Variants in MBD5 observed in about 807,000 individuals in gnomAD.
MBD5 encodes methyl-CpG binding domain protein 5.
A neutral mutation model predicts 117.3 loss-of-function variants in MBD5; 13 were observed. The ratio of observed to expected loss-of-function variants is 0.11; its 90% CI spans 0.07 to 0.18. The LOEUF is 0.18. MBD5 is among the 10% of genes least tolerant of loss of function. The pLI is 1.00. For synonymous variants in MBD5, 727 were observed against 766.4 expected, an observed-to-expected ratio of 0.95 and a Z score of 0.85; for missense variants, 1,879 against 2,093.8, an observed-to-expected ratio of 0.90 and a Z score of 2.00.
Position 148,485,731 on chromosome 2 carries a change from T to A in MBD5, c.3545-11T>A. ...CACATTTATTTATATTTTATGTTTT[T>A]CAAACTGTAGGTGATATGTCATCAA... On this transcript the variant is annotated splice_polypyrimidine_tract_variant and intron_variant, in intron 9 of 13. Transcript: ENST00000642680. 6.3e-7 allele frequency: 1 copy of A among 1,589,010 alleles called. No individual in the cohort carries two copies. Among genetic ancestry groups the A allele is most frequent in the Middle Eastern group, 1.7e-4 (1 of 6,026 alleles).
chr2:148,283,370 G>A (rs1007836158), intron 3 of MBD5, among the ~76,000 whole-genome samples: 3 of 152,064 alleles, frequency 2.0e-5, no homozygotes, highest in Non-Finnish European at 4.4e-5. Flanking sequence ...CTTTGGGGAT[G>A]GGAGTGAAGT....
chr2:148,167,245 AAT>A (rs1243154944), intron 1 of MBD5, among the ~76,000 whole-genome samples: 5 of 152,150 alleles, frequency 3.3e-5, no homozygotes, highest in African/African-American at 9.7e-5. Flanking sequence ...AATTAATTCA[AAT>A]ATATCTTCCC....
chr2:148,480,791 T>C (rs1006093979), intron 8 of MBD5, among the ~76,000 whole-genome samples: 1 of 152,070 alleles, frequency 6.6e-6, no homozygotes, highest in Non-Finnish European at 1.5e-5. Flanking sequence ...TCTTGGTGAA[T>C]GTGGTCATTA....
chr2:148,355,266 T>C (rs1337578675), intron 4 of MBD5, among the ~76,000 whole-genome samples: 2 of 151,886 alleles, frequency 1.3e-5, no homozygotes, highest in African/African-American at 4.8e-5. Flanking sequence ...ATGCAGAAGC[T>C]CTTTAGTTTA....
intron 4 of MBD5, among the ~76,000 whole-genome samples, chr2:148,398,231 T>C (rs1053130259): frequency 2.2e-4 from 34 of 152,208 alleles, no homozygotes; most frequent in Admixed American, 1.8e-3. Flanking sequence ...ATCGCCACAC[T>C]GACTTCCACA....
intron 1 of MBD5, among the ~76,000 whole-genome samples, chr2:148,138,394 A>G (rs1264552315): frequency 6.6e-6 from 1 of 152,208 alleles, no homozygotes; most frequent in East Asian, 1.9e-4. Flanking sequence ...TTCAATTAGA[A>G]TATGGAGAAA....
chr2:148,058,749 A>G (rs1558907346), intron 1 of MBD5, among the ~76,000 whole-genome samples: 1 of 152,146 alleles, frequency 6.6e-6, no homozygotes, highest in Non-Finnish European at 1.5e-5. Context: ...TTATTATTTA[A>G]TTCTGTCTGA....
intron 1 of MBD5, among the ~76,000 whole-genome samples, chr2:148,033,821 C>A (rs1255283408): frequency 1.3e-5 from 2 of 152,160 alleles, no homozygotes; most frequent in Non-Finnish European, 2.9e-5. Context: ...GCTTTTACAG[C>A]AGATTGGCAT....
At chr2:148,356,321 C>G (rs907770531) in intron 4 of MBD5, among the ~76,000 whole-genome samples, 4 of 152,090 alleles carry the variant, frequency 2.6e-5, no homozygotes, top group African/African-American at 9.7e-5. Context: ...ATAGCAACTT[C>G]CCATGCCTGG....
chr2:148,262,766 T>C (rs150326564), intron 3 of MBD5, among the ~76,000 whole-genome samples: 13 of 152,296 alleles, frequency 8.5e-5, no homozygotes, highest in East Asian at 3.9e-4. Flanking sequence ...TTAAGCCTGA[T>C]TGAAAACTCA....
At chr2:148,053,289 G>C (rs747666087) in intron 1 of MBD5, among the ~76,000 whole-genome samples, 1 of 152,106 alleles carries the variant, frequency 6.6e-6, no homozygotes, top group Non-Finnish European at 1.5e-5. Flanking sequence ...TTTCATGACA[G>C]CTGTGTCTCA....
intron 7 of MBD5, among the ~76,000 whole-genome samples, chr2:148,467,769 T>C (rs1376135833): frequency 6.6e-6 from 1 of 152,170 alleles, no homozygotes; most frequent in Non-Finnish European, 1.5e-5. Flanking sequence ...AGTGAAAATG[T>C]TGGGATAAGG....
intron 4 of MBD5, among the ~76,000 whole-genome samples, chr2:148,408,266 TA>T (rs1705143017): frequency 6.6e-6 from 1 of 152,174 alleles, no homozygotes; most frequent in Admixed American, 6.5e-5. Flanking sequence ...TGCCCAGAGA[TA>T]AAATTGCTTG....
At chr2:148,177,204 A>G (rs1698412612) in intron 1 of MBD5, among the ~76,000 whole-genome samples, 1 of 152,238 alleles carries the variant, frequency 6.6e-6, no homozygotes, top group African/African-American at 2.4e-5. Context: ...AAGTATTTAC[A>G]TAAATGCTAA....
chr2:148,110,835 A>G (rs982594016), intron 1 of MBD5, among the ~76,000 whole-genome samples: 1 of 151,556 alleles, frequency 6.6e-6, no homozygotes, highest in African/African-American at 2.4e-5. Flanking sequence ...AGACTTCTTT[A>G]GCTTTGTCTT....
At chr2:148,446,617 T>TGTGTG (rs1706537789) in intron 4 of MBD5, among the ~76,000 whole-genome samples, 3 of 152,028 alleles carry the variant, frequency 2.0e-5, no homozygotes, top group Admixed American at 6.6e-5. Flanking sequence ...TGTGTGTGTG[T>TGTGTG]GTGTGTGTGT....
intron 1 of MBD5, among the ~76,000 whole-genome samples, chr2:148,136,243 T>G (rs1433087930): frequency 1.3e-5 from 2 of 152,160 alleles, no homozygotes; most frequent in Non-Finnish European, 2.9e-5. Context: ...AATTGTGATA[T>G]CTTGTTTTAC....
chr2:148,483,012 A>G, intron 8 of MBD5, 98 bp from the exon 9 acceptor site: 1 of 1,378,758 alleles, frequency 7.3e-7, no homozygotes, highest in Non-Finnish European at 1.0e-6. Flanking sequence ...CCATGGAACA[A>G]ATAAATTTAA....
intron 4 of MBD5, among the ~76,000 whole-genome samples, chr2:148,376,857 A>G (rs1303223139): frequency 7.1e-6 from 1 of 140,170 alleles, no homozygotes; most frequent in Admixed American, 7.6e-5. Context: ...ATATATTATA[A>G]TCATATATAT....
Sources: allele counts gnomAD v4.1 joint callset (sites outside exome capture counted in the v4.1 genomes callset), GRCh38; gene constraint gnomAD v4.1.1; transcripts MANE v1.5; gene names NCBI Gene and HGNC (gene_info 2026-07-23, HGNC 2026-07-21).